The following MICAL2 variants were observed in gnomAD, a reference collection of about 807,000 sequenced individuals.
MICAL2 encodes [F-actin]-monooxygenase MICAL2.
A neutral mutation model predicts 127.3 loss-of-function variants in MICAL2; 77 were observed. The ratio of observed to expected loss-of-function variants is 0.60; its 90% CI spans 0.50 to 0.73. The LOEUF (loss-of-function observed/expected upper bound fraction) is 0.73, where lower values mean the gene tolerates loss of function less well. Among genes scored for constraint, MICAL2 ranks in the 30% least tolerant of loss-of-function variants. The probability of loss-of-function intolerance (pLI) is 0.00; values close to 1 mark genes in which losing one functional copy is unlikely to be tolerated. For missense variants in MICAL2, 1,351 were observed against 1,434.4 expected, an observed-to-expected ratio of 0.94 and a Z score of 0.94; for synonymous variants, 570 against 551.1, an observed-to-expected ratio of 1.03 and a Z score of -0.48.
At chr11:12,291,732 G>T (rs562615447), downstream of MICAL2, among the ~76,000 whole-genome samples, 1 of 152,348 alleles carries the variant, frequency 6.6e-6, no homozygotes, top group African/African-American at 2.4e-5. Context: ...CATGGCTAAA[G>T]GTCTAGCATC....
At chr11:12,234,764 G>C (rs112809404) in intron 15 of MICAL2, among the ~76,000 whole-genome samples, 2,485 of 152,280 alleles carry the variant, frequency 0.016, 67 homozygotes, top group African/African-American at 0.057. Flanking sequence ...CTTTCCGTTG[G>C]AGGGAGGGGA....
chr11:12,147,859 C>T (rs1179698275), intron 2 of MICAL2, among the ~76,000 whole-genome samples: 1 of 152,204 alleles, frequency 6.6e-6, no homozygotes, highest in Non-Finnish European at 1.5e-5. Context: ...TCCTCTTGAA[C>T]CTCAGGCTGC....
intron 3 of MICAL2, among the ~76,000 whole-genome samples, chr11:12,180,520 G>A (rs949705872): frequency 1.3e-5 from 2 of 152,012 alleles, no homozygotes; most frequent in African/African-American, 2.4e-5. Context: ...TGTTCATACC[G>A]AATGACTTAT....
intron 2 of MICAL2, among the ~76,000 whole-genome samples, chr11:12,148,481 T>A (rs1193471853): frequency 6.6e-6 from 1 of 151,972 alleles, no homozygotes; most frequent in Non-Finnish European, 1.5e-5. Context: ...GCTGGTGAGT[T>A]GGGAAGGGGG....
chr11:12,242,680 C>T lies in MICAL2; in HGVS notation c.2566C>T (p.Gln856Ter). Residue 856 changes from glutamine (Q) to a stop codon, truncating the protein, a stop_gained, in exon 20 of 28, where the codon CAG becomes TAG. Transcript: ENST00000683283. LOFTEE classifies it high-confidence loss of function. The part of the protein sequence containing the change: ...VEEKILQKRA[Q>*]NLANREFHTK... ...CTCACCTTCACTGCAGAAGAGGGCT[C>T]AGAACTTGGCCAACAGGGAATTTCA... 6.2e-7 allele frequency: 1 copy of T among 1,612,854 alleles called. No homozygotes were observed. Among genetic ancestry groups the T allele is most frequent in the Non-Finnish European group, 8.5e-7 (1 of 1,179,566 alleles).
intron 27 of MICAL2, 67 bp downstream of exon 27, chr11:12,262,604 C>T: frequency 7.6e-7 from 1 of 1,318,154 alleles, no homozygotes; most frequent in Admixed American, 1.7e-5. Context: ...CGCACCCCGT[C>T]CTCTCCGCCA....
chr11:12,205,565 G>A (rs917115622), intron 4 of MICAL2, among the ~76,000 whole-genome samples: 3 of 152,150 alleles, frequency 2.0e-5, no homozygotes, highest in Admixed American at 6.5e-5. Context: ...TGAAAGGGAG[G>A]TTAACACTAT....
downstream of MICAL2, chr11:12,293,692 G>A: frequency 1.9e-6 from 3 of 1,614,086 alleles, no homozygotes; most frequent in South Asian, 1.1e-5. Context: ...ATCACCCAAA[G>A]CCAGAGTGGG....
At chr11:12,346,149 C>T (rs1203502901) in intron 32 of MICAL2, among the ~76,000 whole-genome samples, 3 of 152,294 alleles carry the variant, frequency 2.0e-5, no homozygotes, top group Non-Finnish European at 1.5e-5. Context: ...GAGAGAGCTC[C>T]TTCGTCCCAT....
chr11:12,123,785 C>G (rs978057809), intron 1 of MICAL2, among the ~76,000 whole-genome samples: 1 of 152,068 alleles, frequency 6.6e-6, no homozygotes, highest in South Asian at 2.1e-4. Flanking sequence ...GATTAACAAC[C>G]CACAGTGTGG....
In MICAL2 at chr11:12,242,361, A is replaced by G. The variant is rs1410331514; in HGVS notation, c.2485A>G (p.Thr829Ala). Residue 829 changes from threonine to alanine, a missense_variant, in exon 19 of 28, where the codon ACC (threonine) becomes GCC (alanine). Thr to Ala is a moderately conservative substitution (Grantham distance 58). Around this residue, in one of 2 missense-constraint regions of MICAL2, gnomAD observed 752 missense variants for 719.4 expected, o/e 1.05. Transcript: ENST00000683283. ...AGAAAATTTCGCTACCCTGCCTTCT[A>G]CCCGCCCGAGGGCGCAGGCTCTTTC... Reference protein sequence around the residue: ...GTENFATLPSTRPRAQALSGV... With the variant: ...GTENFATLPSARPRAQALSGV... 1 of 1,613,838 alleles carries G rather than the reference A, an allele frequency of 6.2e-7. No homozygotes were observed. The highest frequency in any genetic ancestry group is 8.5e-7 in the Non-Finnish European group (1 of 1,179,956).
At chr11:12,215,919 G>A (rs969644502) in intron 7 of MICAL2, among the ~76,000 whole-genome samples, 1 of 152,196 alleles carries the variant, frequency 6.6e-6, no homozygotes, top group African/African-American at 2.4e-5. Context: ...GGCCATGGCC[G>A]GCACTTGGCT....
At chr11:12,168,974 GAAA>G (rs370029647) in intron 3 of MICAL2, among the ~76,000 whole-genome samples, 6 of 135,190 alleles carry the variant, frequency 4.4e-5, no homozygotes, top group South Asian at 2.4e-4. Context: ...GAAAAGAAAA[GAAA>G]AGAGAGAGAA....
Position 12,204,461 on chromosome 11 carries a change from A to G in MICAL2, c.472+4A>G, listed in dbSNP as rs369976112. The G allele has an allele frequency of 2.1e-5, 34 of 1,613,666 alleles. No homozygotes were observed. The highest frequency in any genetic ancestry group is 2.8e-5 in the Non-Finnish European group (33 of 1,179,680). ...GCTGGCTCCATCGACCATATCAGTG[A>G]GTGGAGTCTATGGTGATATCCCATG... is the stretch of plus-strand genomic sequence containing the variant. On this transcript the variant is annotated splice_donor_region_variant and intron_variant, in intron 4 of 27. Coordinates refer to ENST00000683283, the MANE Select transcript of MICAL2 (RefSeq NM_001282663.2).
chr11:12,339,061 A>G (rs1275292951), intron 32 of MICAL2, among the ~76,000 whole-genome samples: 2 of 152,094 alleles, frequency 1.3e-5, no homozygotes, highest in East Asian at 3.9e-4. Flanking sequence ...TTCCAACTTG[A>G]TTCCATTCTC....
chr11:12,326,818 A>C (rs950607626), intron 31 of MICAL2, among the ~76,000 whole-genome samples: 4 of 152,206 alleles, frequency 2.6e-5, no homozygotes, highest in Admixed American at 2.6e-4. Flanking sequence ...CAGTGGCTGC[A>C]GCTCCAATCA....
rs752615508 is a variant in MICAL2, at chr11:12,223,508, G to T, written c.1540+7G>T. On this transcript the variant is annotated splice_region_variant and intron_variant, in intron 12 of 27. Transcript: ENST00000683283. ...GTCAACCTCTCCAGGAAGGGTAAGC[G>T]GCCCTCCTGGGACCCTGGTGGGTGG... The T allele has an allele frequency of 1.9e-6, 3 of 1,612,068 alleles. No homozygotes were observed. Among genetic ancestry groups the T allele is most frequent in the Non-Finnish European group, 2.5e-6 (3 of 1,178,722 alleles).
At chr11:12,210,282 C>T (rs574411548) in intron 6 of MICAL2, among the ~76,000 whole-genome samples, 1 of 152,294 alleles carries the variant, frequency 6.6e-6, no homozygotes, top group East Asian at 1.9e-4. Flanking sequence ...CAAGACTGAT[C>T]CATCCACAGG....
chr11:12,327,783 A>G (rs764221792), intron 32 of MICAL2, among the ~76,000 whole-genome samples: 3 of 146,134 alleles, frequency 2.1e-5, no homozygotes, highest in Non-Finnish European at 4.5e-5. Context: ...TAGAACTGAT[A>G]TAAGCCACCT....
Sources: allele counts gnomAD v4.1 joint callset (sites outside exome capture counted in the v4.1 genomes callset), GRCh38; gene constraint gnomAD v4.1.1; regional missense constraint gnomAD v4.1.1; transcripts MANE v1.5; gene names NCBI Gene and HGNC (gene_info 2026-07-23, HGNC 2026-07-21).